The following NT5C2 variants were observed in gnomAD, a reference collection of about 807,000 sequenced individuals.
NT5C2 encodes the protein cytosolic purine 5'-nucleotidase.
In NT5C2, 58 loss-of-function variants were observed where a neutral mutation model predicts 76.1. The ratio of observed to expected loss-of-function variants is 0.76; its 90% CI spans 0.62 to 0.95. NT5C2 has a LOEUF of 0.95. Ranked by LOEUF, NT5C2 falls within the 40% of genes least tolerant of loss-of-function variation. The probability of loss-of-function intolerance (pLI) is 0.00; values close to 1 mark genes in which losing one functional copy is unlikely to be tolerated. For synonymous variants in NT5C2, 229 were observed against 237.4 expected, an observed-to-expected ratio of 0.96 and a Z score of 0.32; for missense variants, 478 against 690.3, an observed-to-expected ratio of 0.69 and a Z score of 3.45.
At chr10:103,151,321 G>A (rs770430513) in intron 3 of NT5C2, among the ~76,000 whole-genome samples, 9 of 151,904 alleles carry the variant, frequency 5.9e-5, no homozygotes, top group Non-Finnish European at 8.8e-5. Context: ...AAAATTAGCC[G>A]GGCATGGTGG....
At chr10:103,161,757 T>C (rs1051772560) in intron 3 of NT5C2, among the ~76,000 whole-genome samples, 1 of 151,924 alleles carries the variant, frequency 6.6e-6, no homozygotes. Context: ...GAAAATACTA[T>C]GCTAAGTGAA....
At chr10:103,160,481 C>A (rs2084565655) in intron 3 of NT5C2, among the ~76,000 whole-genome samples, 1 of 151,976 alleles carries the variant, frequency 6.6e-6, no homozygotes, top group Non-Finnish European at 1.5e-5. Flanking sequence ...GAACAGGAGA[C>A]AATATTGGAA....
intron 3 of NT5C2, among the ~76,000 whole-genome samples, chr10:103,148,635 A>G (rs758545103): frequency 1.1e-4 from 17 of 151,986 alleles, no homozygotes; most frequent in Non-Finnish European, 2.5e-4. Flanking sequence ...CCTCCTGTGC[A>G]TTAAAAATCT....
At chr10:103,142,516 C>CA (rs928549609) in intron 3 of NT5C2, among the ~76,000 whole-genome samples, 4 of 151,422 alleles carry the variant, frequency 2.6e-5, no homozygotes, top group African/African-American at 9.7e-5. Flanking sequence ...ACAAAAAATA[C>CA]AAAAAAAAGC....
chr10:103,162,694 G>A (rs990149454), intron 3 of NT5C2, among the ~76,000 whole-genome samples: 3 of 151,956 alleles, frequency 2.0e-5, no homozygotes, highest in Admixed American at 6.6e-5. Context: ...TTCCATTCCT[G>A]GGTAGAAACC....
intron 4 of NT5C2, among the ~76,000 whole-genome samples, chr10:103,130,398 A>C (rs1272670429): frequency 6.6e-6 from 1 of 151,616 alleles, no homozygotes; most frequent in Admixed American, 6.6e-5. Flanking sequence ...ATCTCAAGTA[A>C]TCAGGGACAC....
intron 4 of NT5C2, among the ~76,000 whole-genome samples, chr10:103,112,754 C>T (rs1409833556): frequency 6.6e-6 from 1 of 152,142 alleles, no homozygotes; most frequent in African/African-American, 2.4e-5. Context: ...TGCAACCCAA[C>T]CACCCAAGAA....
chr10:103,181,412 A>G (rs928071307), intron 1 of NT5C2, 84 bp from the exon 2 acceptor site: 1 of 152,200 alleles, frequency 6.6e-6, no homozygotes, highest in Non-Finnish European at 1.5e-5. Context: ...TCCCCCAAAG[A>G]AAGGAAAACA....
chr10:103,116,557 C>T (rs1045783381), intron 4 of NT5C2, among the ~76,000 whole-genome samples: 1 of 150,690 alleles, frequency 6.6e-6, no homozygotes, highest in Non-Finnish European at 1.5e-5. Flanking sequence ...AAATTAAGGG[C>T]TGCTTCAGAT....
At chr10:103,121,699 TC>T (rs2075699221) in intron 4 of NT5C2, among the ~76,000 whole-genome samples, 1 of 152,178 alleles carries the variant, frequency 6.6e-6, no homozygotes, top group Admixed American at 6.5e-5. Flanking sequence ...GCTTTATTCA[TC>T]ACCTCTCCCA....
chr10:103,142,245 G>T (rs755113405), intron 3 of NT5C2, among the ~76,000 whole-genome samples: 1 of 152,078 alleles, frequency 6.6e-6, no homozygotes, highest in African/African-American at 2.4e-5. Flanking sequence ...ACTTTATCCC[G>T]CATTTAAGAC....
chr10:103,133,452 G>A (rs1161811861), intron 4 of NT5C2, among the ~76,000 whole-genome samples: 1 of 152,034 alleles, frequency 6.6e-6, no homozygotes. Context: ...GTAGAGATGG[G>A]GTCTCACCAT....
chr10:103,115,197 T>A (rs1226656324), intron 4 of NT5C2, among the ~76,000 whole-genome samples: 1 of 152,198 alleles, frequency 6.6e-6, no homozygotes, highest in Non-Finnish European at 1.5e-5. Context: ...GCTCAGGAGT[T>A]CCAGACCTGC....
intron 4 of NT5C2, 28 bp from the exon 5 acceptor site, chr10:103,106,734 T>C: frequency 7.5e-7 from 1 of 1,326,382 alleles, no homozygotes; most frequent in Non-Finnish European, 1.1e-6. Context: ...TTTCATTAGT[T>C]AGCAGAAAGA....
chr10:103,152,619 A>G (rs1053148633), intron 3 of NT5C2, among the ~76,000 whole-genome samples: 1 of 152,214 alleles, frequency 6.6e-6, no homozygotes, highest in Non-Finnish European at 1.5e-5. Flanking sequence ...TATTTTATTA[A>G]AAGAAACATC....
chr10:103,174,655 TTAAA>T (rs2089357298), intron 3 of NT5C2, among the ~76,000 whole-genome samples, 199 bp downstream of exon 3: 3 of 152,222 alleles, frequency 2.0e-5, no homozygotes, highest in Non-Finnish European at 4.4e-5. Flanking sequence ...CATTTTTCTC[TTAAA>T]TACTTTTACT....
intron 3 of NT5C2, among the ~76,000 whole-genome samples, chr10:103,174,014 T>C (rs1466677945): frequency 6.6e-6 from 1 of 151,000 alleles, no homozygotes; most frequent in Non-Finnish European, 1.5e-5. Context: ...GAGAACCGCT[T>C]GAACCCAGGA....
intron 1 of NT5C2, among the ~76,000 whole-genome samples, chr10:103,185,345 A>T (rs930330806): frequency 4.7e-5 from 4 of 84,828 alleles, no homozygotes; most frequent in Non-Finnish European, 1.2e-4. Context: ...ATACTCCTTT[A>T]AAAAAAAAAA....
intron 3 of NT5C2, among the ~76,000 whole-genome samples, chr10:103,174,417 A>C (rs2089269291): frequency 1.3e-5 from 2 of 152,220 alleles, no homozygotes; most frequent in South Asian, 4.2e-4. Context: ...AAAAGAAAAC[A>C]AAAACTAGCT....
Sources: allele counts gnomAD v4.1 joint callset (sites outside exome capture counted in the v4.1 genomes callset), GRCh38; gene constraint gnomAD v4.1.1; transcripts MANE v1.5; gene names NCBI Gene and HGNC (gene_info 2026-07-23, HGNC 2026-07-21).